Variants in TRPM6 observed in about 807,000 individuals in gnomAD.
TRPM6 encodes the protein channel kinase 2.
In TRPM6, 111 loss-of-function variants were observed where a neutral mutation model predicts 247.6. The observed-to-expected ratio is 0.45, with a 90% confidence interval of 0.38 to 0.52. The LOEUF is 0.52. Among genes scored for constraint, TRPM6 ranks in the 20% least tolerant of loss-of-function variants. The pLI, the probability that TRPM6 is intolerant of heterozygous loss-of-function variation, is 0.00. For missense variants in TRPM6, 2,126 were observed against 2,421.5 expected (o/e 0.88, Z 2.56); for synonymous variants, 892 against 853.8 (o/e 1.04, Z -0.78).
intron 19 of TRPM6, among the ~76,000 whole-genome samples, chr9:74,791,921 T>C (rs903883109): frequency 1.2e-4 from 18 of 152,108 alleles, no homozygotes; most frequent in African/African-American, 4.3e-4. Flanking sequence ...CACGCCCGGC[T>C]ACTTTTTTTG....
intron 27 of TRPM6, among the ~76,000 whole-genome samples, chr9:74,759,074 T>C (rs1826533864): frequency 6.6e-6 from 1 of 152,132 alleles, no homozygotes; most frequent in South Asian, 2.1e-4. Flanking sequence ...GCAAGATCAG[T>C]AGTCTAAAAG....
chr9:74,808,990 A>G (rs145056180), intron 13 of TRPM6, among the ~76,000 whole-genome samples: 2 of 152,298 alleles, frequency 1.3e-5, no homozygotes, highest in Non-Finnish European at 2.9e-5. Context: ...TGAAGTTGTC[A>G]GCTTGCATGT....
At chr9:74,726,802 C>T (rs752427617) in intron 38 of TRPM6, among the ~76,000 whole-genome samples, 3 of 152,166 alleles carry the variant, frequency 2.0e-5, no homozygotes, top group Non-Finnish European at 4.4e-5. Flanking sequence ...TCGTTGTCAG[C>T]TCCTGCCTTC....
At chr9:74,839,360 C>A (rs905207850) in intron 5 of TRPM6, among the ~76,000 whole-genome samples, 44 of 152,040 alleles carry the variant, frequency 2.9e-4, no homozygotes, top group African/African-American at 1.1e-3. Flanking sequence ...ATATACAATT[C>A]TGGAATTTCA....
chr9:74,744,548 A>G (rs1825971845), intron 31 of TRPM6, among the ~76,000 whole-genome samples: 1 of 152,232 alleles, frequency 6.6e-6, no homozygotes, highest in Non-Finnish European at 1.5e-5. Context: ...CAAGTTATTA[A>G]CAGACTACTT....
At chr9:74,835,894 A>G (rs1281665859) in intron 5 of TRPM6, among the ~76,000 whole-genome samples, 1 of 152,090 alleles carries the variant, frequency 6.6e-6, no homozygotes, top group Non-Finnish European at 1.5e-5. Context: ...AGCCTCCCCG[A>G]CTATCAGCAT....
chr9:74,749,787 T>C (rs900807491), intron 30 of TRPM6, among the ~76,000 whole-genome samples: 8 of 152,210 alleles, frequency 5.3e-5, no homozygotes, highest in African/African-American at 1.9e-4. Context: ...ACTGAACCTT[T>C]GGGAGAAGAA....
chr9:74,882,113 C>T (rs1043774370), intron 1 of TRPM6, among the ~76,000 whole-genome samples: 4 of 152,044 alleles, frequency 2.6e-5, no homozygotes, highest in African/African-American at 4.8e-5. Flanking sequence ...GAAAATATAA[C>T]GGAAACACTT....
chr9:74,739,526 C>T, intron 34 of TRPM6, 77 bp from the exon 35 acceptor site: 1 of 1,537,206 alleles, frequency 6.5e-7, no homozygotes, highest in South Asian at 1.1e-5. Context: ...TATAGGCTAC[C>T]CCAATGTGAT....
Position 74,858,777 on chromosome 9 carries a change from T to C in TRPM6, c.34-29A>G, listed in dbSNP as rs200501985. On this transcript the variant is annotated intron_variant, in intron 1 of 38. Transcript: ENST00000360774. ...AAAAGAAAGTGTCATTATTTTATACTCTAATTATGTGACAAAACAATGTAA... is the reference window on the plus strand; with the variant it reads ...AAAAGAAAGTGTCATTATTTTATACCCTAATTATGTGACAAAACAATGTAA... The C allele has an allele frequency of 8.5e-5, 130 of 1,529,320 alleles. No individual in the cohort carries two copies. The African/African-American group carries it at 1.6e-3, about 19-fold the overall frequency. The allele number at this position is 1,529,320 out of a possible 1,614,324, so 94.7% of individuals were successfully genotyped here.
At chr9:74,835,013 C>A (rs1252458958) in intron 5 of TRPM6, among the ~76,000 whole-genome samples, 1 of 152,172 alleles carries the variant, frequency 6.6e-6, no homozygotes, top group Non-Finnish European at 1.5e-5. Context: ...AATCGCCACA[C>A]TGTCTTCCAC....
intron 25 of TRPM6, among the ~76,000 whole-genome samples, chr9:74,771,209 C>A (rs1230946296): frequency 6.6e-6 from 1 of 152,222 alleles, no homozygotes; most frequent in Non-Finnish European, 1.5e-5. Flanking sequence ...GCCCTCAGAG[C>A]GACCTTCTAG....
Position 74,762,372 on chromosome 9 carries a change from G to A in TRPM6, c.4299C>T (p.Pro1433=), listed in dbSNP as rs777542119. The A allele has an allele frequency of 5.6e-6, 9 of 1,614,218 alleles. No homozygotes were observed. The highest frequency in any genetic ancestry group is 1.1e-5 in the South Asian group (1 of 91,088). ...GGGAAAGAGGGGAGCTCATTGTCAT[G>A]GGTTCAGGTGTGCAACTCAAAGTGG... ...VLPTLSCTPE[P]MTMSSPLSQA... The change falls in exon 26 of 39, where the codon CCC becomes CCT. Residue 1433 remains proline, a synonymous_variant. Coordinates refer to ENST00000360774, the MANE Select transcript of TRPM6 (RefSeq NM_017662.5).
chr9:74,808,050 A>C lies in TRPM6; in HGVS notation c.1622T>G (p.Leu541Arg), dbSNP rs1828592317. 4.3e-6 allele frequency: 7 copies of C among 1,613,756 alleles called. No individual in the cohort carries two copies. Among genetic ancestry groups the C allele is most frequent in the Non-Finnish European group, 5.9e-6 (7 of 1,179,888 alleles). ...RKHFRALYNN[L>R]YRKYKHQRHS... ...TTACTCTACCTTGTATTTTCTGTAGAGGTTGTTGTAGAGGGCTCTGAAATG... is the reference window on the plus strand; with the variant it reads ...TTACTCTACCTTGTATTTTCTGTAGCGGTTGTTGTAGAGGGCTCTGAAATG... The change falls in exon 14 of 39, where the codon CTC becomes CGC. Residue 541 changes from leucine (L) to arginine (R), a missense_variant. Leu to Arg is a moderately radical substitution (Grantham distance 102). Transcript: ENST00000360774.
At chr9:74,879,014 T>A (rs902915437) in intron 1 of TRPM6, among the ~76,000 whole-genome samples, 1 of 151,976 alleles carries the variant, frequency 6.6e-6, no homozygotes, top group South Asian at 2.1e-4. Context: ...TTTTTAATTT[T>A]AAAAAAGTTT....
In TRPM6 at chr9:74,724,460, A is replaced by G. The variant is rs574476522; in HGVS notation, c.*153T>C. 2.8e-5 allele frequency: 31 copies of G among 1,088,386 alleles called. No homozygotes were observed. In the South Asian group the frequency reaches 3.1e-4, roughly 11 times the overall value. 67.4% of individuals were successfully genotyped at this position (1,088,386 alleles called of 1,614,324 possible). On this transcript the variant is annotated 3_prime_UTR_variant, in exon 39 of 39. Coordinates refer to ENST00000360774, the MANE Select transcript of TRPM6 (RefSeq NM_017662.5). ...GTCTAGGAGAACCCATTGATCATAT[A>G]CCAATGAGGCCTTTGAACAGAAGGA... is the stretch of plus-strand genomic sequence containing the variant.
At chr9:74,824,500 T>G (rs1204309263) in intron 7 of TRPM6, among the ~76,000 whole-genome samples, 1 of 94,446 alleles carries the variant, frequency 1.1e-5, no homozygotes, top group Non-Finnish European at 2.1e-5. Context: ...AATATATTTA[T>G]GGCTTTTTCT....
chr9:74,872,631 C>T (rs901853240), intron 1 of TRPM6, among the ~76,000 whole-genome samples: 12 of 103,804 alleles, frequency 1.2e-4, no homozygotes, highest in South Asian at 2.6e-4. Context: ...TGTGCATGCG[C>T]GCACGTGTGT....
At chr9:74,782,996 T>C in intron 21 of TRPM6, 143 bp from the exon 22 acceptor site, 1 of 790,814 alleles carries the variant, frequency 1.3e-6, no homozygotes, top group South Asian at 1.6e-5. Flanking sequence ...CAGGAACAGC[T>C]AGACTTTCTT....
Sources: gnomAD v4.1 joint callset for allele counts (sites outside exome capture counted in the v4.1 genomes callset) on GRCh38, gnomAD v4.1.1 for gene constraint, MANE v1.5 for transcripts, NCBI Gene and HGNC (gene_info 2026-07-23, HGNC 2026-07-21) for gene names.